The following GDPD4 variants were observed in gnomAD, a reference collection of about 807,000 sequenced individuals.
GDPD4 encodes glycerophosphodiester phosphodiesterase 6.
In GDPD4, 60 loss-of-function variants were observed where a neutral mutation model predicts 67.8. The observed-to-expected ratio is 0.88, with a 90% CI of 0.72 to 1.10. GDPD4 has a LOEUF of 1.10. GDPD4 is among the 50% of genes least tolerant of loss of function. GDPD4 has a pLI of 0.00. For synonymous variants in GDPD4, 212 were observed against 210.9 expected (o/e 1.00, Z -0.04); for missense variants, 623 against 613.9 (o/e 1.01, Z -0.16).
chr11:77,269,958 T>A lies in GDPD4; in HGVS notation c.403A>T (p.Arg135Ter), dbSNP rs1422123682. The change falls in exon 8 of 17, where the codon AGA becomes TGA. Residue 135 changes from arginine (R) to a stop codon, truncating the protein, a stop_gained and splice_region_variant. Coordinates refer to ENST00000315938, the MANE Select transcript of GDPD4 (RefSeq NM_182833.3). LOFTEE classifies it high-confidence loss of function. ...FYVACLEREV[R>*]MRRYRMTHSE... is the part of the protein sequence containing the mutation. ...TGTGTCATCCTGTATCTTCTCATTC[T>A]AACTAAAATTTAGAAAGTGAAAAAG... The A allele has an allele frequency of 6.7e-7, 1 of 1,501,030 alleles. No individual in the cohort carries two copies. The highest frequency in any genetic ancestry group is 1.2e-5 in the South Asian group (1 of 86,558). The allele number at this position is 1,501,030 out of a possible 1,614,324, so 93.0% of individuals were successfully genotyped here.
intron 1 of GDPD4, among the ~76,000 whole-genome samples, chr11:77,301,023 T>C (rs957642927): frequency 4.6e-5 from 7 of 152,154 alleles, no homozygotes; most frequent in Admixed American, 2.0e-4. Context: ...ACCACCATTG[T>C]CTACACACCT....
Position 77,241,244 on chromosome 11 carries a change from A to G in GDPD4, c.1241+2450T>C, listed in dbSNP as rs931969026. 2.6e-5 allele frequency among the ~76,000 whole-genome samples: 4 copies of G among 152,234 alleles called. No individual in the cohort carries two copies. The East Asian group carries it at 7.7e-4, about 29-fold the overall frequency. On this transcript the variant is annotated intron_variant, in intron 13 of 16. Coordinates refer to ENST00000315938, the MANE Select transcript of GDPD4 (RefSeq NM_182833.3). ...ATATACATACAAAGGAATACTATTCAGCCTTTAAAAAGAAGGAAATTCTGT... is the reference window on the plus strand; with the variant it reads ...ATATACATACAAAGGAATACTATTCGGCCTTTAAAAAGAAGGAAATTCTGT...
At chr11:77,269,732 T>A in intron 8 of GDPD4, 151 bp downstream of exon 8, 73 of 493,164 alleles carry the variant, frequency 1.5e-4, no homozygotes, top group Non-Finnish European at 1.9e-4. Flanking sequence ...TACACACACA[T>A]TCACATACAG....
At chr11:77,290,016 C>T (rs1383912175) in intron 1 of GDPD4, among the ~76,000 whole-genome samples, 1 of 152,148 alleles carries the variant, frequency 6.6e-6, no homozygotes, top group Non-Finnish European at 1.5e-5. Context: ...CTTCCCAAGT[C>T]TTACAAGGGG....
rs117840141 is a variant in GDPD4, at chr11:77,240,923, G to A, written c.1241+2771C>T. 1.4e-4 allele frequency among the ~76,000 whole-genome samples: 21 copies of A among 152,244 alleles called. No homozygotes were observed. The East Asian group carries it at 3.9e-3, about 28-fold the overall frequency. On this transcript the variant is annotated intron_variant, in intron 13 of 16. Coordinates refer to ENST00000315938, the MANE Select transcript of GDPD4 (RefSeq NM_182833.3). ...GCTATTACAAAAAAGATGAGAGATA[G>A]TAAGTACTGGCAAGGATGTGGAGAA...
At chr11:77,219,453 A>G (rs1453551287) in intron 16 of GDPD4, among the ~76,000 whole-genome samples, 1 of 152,192 alleles carries the variant, frequency 6.6e-6, no homozygotes, top group Admixed American at 6.5e-5. Context: ...GTCCTTGCCC[A>G]TGCCTATGTC....
chr11:77,288,431 CACT>C (rs902407255), intron 1 of GDPD4, among the ~76,000 whole-genome samples: 16 of 152,262 alleles, frequency 1.1e-4, no homozygotes, highest in African/African-American at 3.4e-4. Context: ...CCACCACCAC[CACT>C]GGGGCCTGAG....
chr11:77,248,067 A>AG lies in GDPD4; in HGVS notation c.865-2566_865-2565insC, dbSNP rs1487701407. ...ACTCCGTCTCAAAAAAAAAAAAAAA[A>AG]AAAAGAAAAGAAAGAAAGAAATAGA... On this transcript the variant is annotated intron_variant, in intron 11 of 16. Coordinates refer to ENST00000315938, the MANE Select transcript of GDPD4 (RefSeq NM_182833.3). Among the ~76,000 whole-genome samples, 244 of 151,216 alleles carry AG rather than the reference A, an allele frequency of 1.6e-3. 1 individual carries two copies. The highest frequency in any genetic ancestry group is 2.8e-3 in the Non-Finnish European group (189 of 67,734).
intron 1 of GDPD4, among the ~76,000 whole-genome samples, chr11:77,295,370 G>A (rs1243548367): frequency 6.6e-6 from 1 of 151,530 alleles, no homozygotes; most frequent in African/African-American, 2.4e-5. Flanking sequence ...GGCAGGTCAT[G>A]CCTGTAATCC....
rs992964246 is a variant in GDPD4, at chr11:77,262,638, C to A, written c.708-4096G>T. Among the ~76,000 whole-genome samples the A allele has an allele frequency of 3.9e-5, 6 of 152,084 alleles. 1 individual carries two copies. The South Asian group carries it at 1.2e-3, about 32-fold the overall frequency. ...CAGCTGATATGAACCAGTTTGAGGA[C>A]CCCCACAGAGGAACAGAATCAGCAT... is the stretch of plus-strand genomic sequence containing the variant. On this transcript the variant is annotated intron_variant, in intron 10 of 16. Coordinates refer to ENST00000315938, the MANE Select transcript of GDPD4 (RefSeq NM_182833.3).
At chr11:77,272,816 G>A (rs939237715) in intron 5 of GDPD4, among the ~76,000 whole-genome samples, 1 of 151,736 alleles carries the variant, frequency 6.6e-6, no homozygotes, top group Admixed American at 6.6e-5. Context: ...ATATGATCAC[G>A]TCAAATGCAG....
intron 9 of GDPD4, 131 bp from the exon 10 acceptor site, chr11:77,268,670 C>G (rs115185988): frequency 1.4e-5 from 11 of 780,754 alleles, no homozygotes; most frequent in African/African-American, 5.2e-5. Context: ...CTTTCAAAAC[C>G]TGTATACCCT....
chr11:77,244,452 G>A (rs1958739637), intron 12 of GDPD4, among the ~76,000 whole-genome samples: 1 of 152,186 alleles, frequency 6.6e-6, no homozygotes, highest in Non-Finnish European at 1.5e-5. Flanking sequence ...GGCCTACTGT[G>A]TACACAAAGA....
At chr11:77,284,694 A>AG (rs1296492459) in intron 3 of GDPD4, among the ~76,000 whole-genome samples, 1 of 152,212 alleles carries the variant, frequency 6.6e-6, no homozygotes, top group Non-Finnish European at 1.5e-5. Flanking sequence ...AAGAGGGTAT[A>AG]GGAGCAGCAG....
At chr11:77,236,066 C>T (rs1301501308) in intron 13 of GDPD4, among the ~76,000 whole-genome samples, 2 of 148,840 alleles carry the variant, frequency 1.3e-5, no homozygotes, top group Admixed American at 1.3e-4. Context: ...GATCAAAAAA[C>T]CCCACAAGGA....
At chr11:77,254,793 T>C (rs1209410963) in intron 11 of GDPD4, among the ~76,000 whole-genome samples, 2 of 152,170 alleles carry the variant, frequency 1.3e-5, no homozygotes, top group Non-Finnish European at 2.9e-5. Flanking sequence ...AACTACTTGA[T>C]TTTCACAATA....
chr11:77,262,020 T>C (rs1003567552), intron 10 of GDPD4, among the ~76,000 whole-genome samples: 46 of 152,320 alleles, frequency 3.0e-4, no homozygotes, highest in Non-Finnish European at 1.5e-4. Flanking sequence ...ATAAGCTAAA[T>C]AGTTATGAGA....
chr11:77,295,722 T>C (rs1937932490), intron 1 of GDPD4, among the ~76,000 whole-genome samples: 1 of 152,144 alleles, frequency 6.6e-6, no homozygotes, highest in Non-Finnish European at 1.5e-5. Flanking sequence ...ATTTGTTAGG[T>C]ATAACACCAA....
chr11:77,271,485 A>G, intron 5 of GDPD4, 92 bp from the exon 6 acceptor site: 2 of 736,566 alleles, frequency 2.7e-6, no homozygotes, highest in Non-Finnish European at 4.7e-6. Flanking sequence ...TCACAATGTC[A>G]GGGACCTTAT....
Sources: allele counts gnomAD v4.1 joint callset (sites outside exome capture counted in the v4.1 genomes callset), GRCh38; gene constraint gnomAD v4.1.1; transcripts MANE v1.5; gene names NCBI Gene and HGNC (gene_info 2026-07-23, HGNC 2026-07-21).